The following AIM2 variants were observed in gnomAD, a reference collection of about 807,000 sequenced individuals.
AIM2 encodes absent in melanoma 2.
A neutral mutation model predicts 27.7 loss-of-function variants in AIM2; 30 were observed. The ratio of observed to expected loss-of-function variants is 1.08; its 90% CI spans 0.81 to 1.47. The LOEUF (loss-of-function observed/expected upper bound fraction) is 1.47, where lower values mean the gene tolerates loss of function less well. AIM2 is among the 40% of genes most tolerant of loss of function. The pLI, the probability that AIM2 is intolerant of heterozygous loss-of-function variation, is 0.00. For missense variants in AIM2, 358 were observed against 411.3 expected (o/e 0.87, Z 1.12); for synonymous variants, 141 against 145.3 (o/e 0.97, Z 0.21).
At chr1:159,065,362 T>C (rs1656037815) in intron 4 of AIM2, among the ~76,000 whole-genome samples, 1 of 152,212 alleles carries the variant, frequency 6.6e-6, no homozygotes, top group Admixed American at 6.5e-5. Context: ...CAGCCTTGTG[T>C]GTGATCTTTT....
rs534507860 is a variant in AIM2 at position 159,128,028 on chromosome 1, T to C, written c.-16+12403A>G. Among the ~76,000 whole-genome samples the C allele has an allele frequency of 2.6e-5, 4 of 152,310 alleles. No individual in the cohort carries two copies. In the South Asian group the frequency reaches 8.3e-4, roughly 32 times the overall value. On this transcript the variant is annotated intron_variant, in intron 1 of 2. Transcript: ENST00000368129. ...CATTACAAACTGCAACAACTTTGTT[T>C]ACTTGTTTCTGTTTCTTTTCTTTTT...
chr1:159,122,734 G>A lies in AIM2; in HGVS notation c.-16+17697C>T, dbSNP rs571591317. On this transcript the variant is annotated intron_variant, in intron 1 of 2. Coordinates refer to the AIM2 transcript ENST00000368129. ...AAAATTGTGAAGTCACCTGCAGAAG[G>A]CCTTTCCTCTCTTCTTTATGCCTTG... Among the ~76,000 whole-genome samples, 3 of 152,220 alleles carry A rather than the reference G, an allele frequency of 2.0e-5. No individual in the cohort carries two copies. In the East Asian group the frequency reaches 5.8e-4, roughly 29 times the overall value.
At chr1:159,101,022 T>C (rs1657300726) in intron 1 of AIM2, among the ~76,000 whole-genome samples, 1 of 152,204 alleles carries the variant, frequency 6.6e-6, no homozygotes, top group Non-Finnish European at 1.5e-5. Flanking sequence ...TACACCTCAC[T>C]TTCACCTCAC....
At chr1:159,065,001 T>A in intron 4 of AIM2, among the ~76,000 whole-genome samples, 1 of 152,188 alleles carries the variant, frequency 6.6e-6, no homozygotes, top group East Asian at 1.9e-4. Context: ...AAAACTGGGA[T>A]AAAGAACATG....
rs1656215298 is a variant in AIM2 at position 159,068,590 on chromosome 1, G to C, written c.374C>G (p.Pro125Arg). 6.2e-7 allele frequency: 1 copy of C among 1,612,794 alleles called. No individual in the cohort carries two copies. Among genetic ancestry groups the C allele is most frequent in the Non-Finnish European group, 8.5e-7 (1 of 1,179,484 alleles). The change falls in exon 3 of 6, where the codon CCA (proline) becomes CGA (arginine). Residue 125 changes from proline (P) to arginine (R), a missense_variant. Transcript: ENST00000368130. ...TACCTTAACATGAGGAGAGACTTTT[G>C]GTGCAGCACGTTGCTTTGCGACATC... Reference protein sequence around the residue: ...RNDVAKQRAAPKVSPHVKPEQ... With the variant: ...RNDVAKQRAARKVSPHVKPEQ...
chr1:159,062,951 G>C (rs573051636), intron 5 of AIM2, among the ~76,000 whole-genome samples: 1 of 152,148 alleles, frequency 6.6e-6, no homozygotes, highest in East Asian at 1.9e-4. Context: ...TCAAATCTTG[G>C]CCTCCACTCT....
intron 1 of AIM2, among the ~76,000 whole-genome samples, chr1:159,104,046 T>C (rs1657374945): frequency 6.6e-6 from 1 of 152,022 alleles, no homozygotes; most frequent in Admixed American, 6.6e-5. Flanking sequence ...TTTTATTTTA[T>C]TTTATGAAGT....
In AIM2 at chr1:159,066,349, G is replaced by A. The variant is rs201679981; in HGVS notation, c.397-20C>T. On this transcript the variant is annotated intron_variant, in intron 3 of 5. Coordinates refer to ENST00000368130, the MANE Select transcript of AIM2 (RefSeq NM_004833.3). Reference sequence around the variant, plus strand: ...TTCAGGCTGAAGACAAGAGAAGAAAGATATCAGCTGTGAGTCAAAAAGGTA... The same window carrying A: ...TTCAGGCTGAAGACAAGAGAAGAAAAATATCAGCTGTGAGTCAAAAAGGTA... The A allele has an allele frequency of 6.3e-7, 1 of 1,590,612 alleles. No individual in the cohort carries two copies. The highest frequency in any genetic ancestry group is 2.2e-5 in the East Asian group (1 of 44,722).
Position 159,063,485 on chromosome 1 carries a change from C to T in AIM2, c.1005+1G>A, listed in dbSNP as rs773593561. On this transcript the variant is annotated splice_donor_variant, in intron 5 of 5. Transcript: ENST00000368130. LOFTEE classifies it high-confidence loss of function. ...TTGACTTTGTTCCATGCAGTTCCCA[C>T]CTTTATGGTGCTATGAACTCCAGAT... 6.2e-7 allele frequency: 1 copy of T among 1,610,926 alleles called. No individual in the cohort carries two copies.
intron 1 of AIM2, among the ~76,000 whole-genome samples, chr1:159,084,238 A>T (rs959837331): frequency 6.6e-6 from 1 of 152,092 alleles, no homozygotes; most frequent in Admixed American, 6.6e-5. Context: ...TACATAATTT[A>T]TATATTCTAT....
At chr1:159,088,130 T>G (rs1177349497) in intron 1 of AIM2, among the ~76,000 whole-genome samples, 1 of 152,174 alleles carries the variant, frequency 6.6e-6, no homozygotes, top group Non-Finnish European at 1.5e-5. Context: ...GAGGCATAGA[T>G]GAGGCACAGG....
chr1:159,070,793 T>C (rs1294044538), intron 2 of AIM2, among the ~76,000 whole-genome samples: 1 of 152,228 alleles, frequency 6.6e-6, no homozygotes, highest in African/African-American at 2.4e-5. Context: ...AACCTTCCAA[T>C]GGTAAGTTAG....
intron 1 of AIM2, among the ~76,000 whole-genome samples, chr1:159,110,304 C>T (rs1348440366): frequency 6.6e-6 from 1 of 152,164 alleles, no homozygotes; most frequent in Non-Finnish European, 1.5e-5. Flanking sequence ...AGACCAAGAC[C>T]ATGGTCCACA....
At chr1:159,106,614 G>C (rs1351188213) in intron 1 of AIM2, among the ~76,000 whole-genome samples, 1 of 152,198 alleles carries the variant, frequency 6.6e-6, no homozygotes, top group African/African-American at 2.4e-5. Context: ...CTGCACACTA[G>C]GACACCACTG....
At chr1:159,146,986 C>G (rs1353505422) in intron 1 of AIM2, 1 of 152,252 alleles carries the variant, frequency 6.6e-6, no homozygotes, top group African/African-American at 2.4e-5. Context: ...CCCATCCATA[C>G]AGCACCAGAT....
intron 1 of AIM2, among the ~76,000 whole-genome samples, chr1:159,116,275 C>T (rs1237303402): frequency 1.1e-4 from 17 of 152,170 alleles, no homozygotes; most frequent in African/African-American, 3.6e-4. Context: ...GTCAGTGTGG[C>T]GATTCCTCAG....
intron 1 of AIM2, among the ~76,000 whole-genome samples, chr1:159,087,774 C>T (rs535519772): frequency 2.0e-5 from 3 of 151,896 alleles, no homozygotes; most frequent in South Asian, 4.2e-4. Context: ...GGTTTCACCA[C>T]GTTGGCCAGG....
chr1:159,113,425 A>G (rs1647234982), intron 1 of AIM2, among the ~76,000 whole-genome samples: 1 of 152,248 alleles, frequency 6.6e-6, no homozygotes, highest in Non-Finnish European at 1.5e-5. Flanking sequence ...AATTCCTTTT[A>G]GACTTCATCT....
chr1:159,135,519 C>T (rs962497263), intron 1 of AIM2, among the ~76,000 whole-genome samples: 3 of 152,140 alleles, frequency 2.0e-5, no homozygotes, highest in African/African-American at 7.2e-5. Flanking sequence ...ACTTGAGGCC[C>T]GGCTTCCTGA....
Sources: allele counts gnomAD v4.1 joint callset (sites outside exome capture counted in the v4.1 genomes callset), GRCh38; gene constraint gnomAD v4.1.1; transcripts MANE v1.5; gene names NCBI Gene and HGNC (gene_info 2026-07-23, HGNC 2026-07-21).